ARID5B: variants seen among roughly 807,000 people sequenced by gnomAD.
ARID5B encodes the protein AT-rich interactive domain-containing protein 5B.
Under a neutral mutation model 97.2 loss-of-function variants are expected in ARID5B, and 13 were observed. The ratio of observed to expected loss-of-function variants is 0.13; its 90% CI spans 0.09 to 0.21. The LOEUF is 0.21. Ranked by LOEUF, ARID5B falls within the 10% of genes least tolerant of loss-of-function variation. The probability of loss-of-function intolerance (pLI) is 1.00; values close to 1 mark genes in which losing one functional copy is unlikely to be tolerated. For missense variants in ARID5B, 1,210 were observed against 1,465.3 expected (o/e 0.83, Z 2.84); for synonymous variants, 556 against 570.3 (o/e 0.97, Z 0.36).
At chr10:62,090,133 G>A (rs372671062) in intron 9 of ARID5B, among the ~76,000 whole-genome samples, 6 of 152,156 alleles carry the variant, frequency 3.9e-5, no homozygotes, top group African/African-American at 9.7e-5. Context: ...CTATATTTGC[G>A]GTGGCACTGA....
At chr10:61,971,571 T>A (rs969131595) in intron 3 of ARID5B, among the ~76,000 whole-genome samples, 1 of 152,244 alleles carries the variant, frequency 6.6e-6, no homozygotes, top group Non-Finnish European at 1.5e-5. Flanking sequence ...GATATTGCCA[T>A]GGTGGATACA....
At chr10:61,934,727 C>T (rs115988515) in intron 2 of ARID5B, among the ~76,000 whole-genome samples, 1 of 152,082 alleles carries the variant, frequency 6.6e-6, no homozygotes, top group African/African-American at 2.4e-5. Flanking sequence ...TTAAAGATCA[C>T]TGATCGGCTG....
chr10:62,032,174 T>G (rs1057068222), intron 4 of ARID5B, among the ~76,000 whole-genome samples: 2 of 151,968 alleles, frequency 1.3e-5, no homozygotes, highest in African/African-American at 4.8e-5. Context: ...AAAAAAGTAG[T>G]CAGGTGTGGT....
chr10:61,943,689 A>G lies in ARID5B; in HGVS notation c.502+3281A>G, dbSNP rs150034514. Among the ~76,000 whole-genome samples, 1,304 of 152,282 alleles carry G rather than the reference A, an allele frequency of 8.6e-3. 9 individuals are homozygous for G. The highest frequency in any genetic ancestry group is 0.013 in the Non-Finnish European group (872 of 68,000). ...TTTTCTTGCTTAGTGTTTAGGTAGA[A>G]TAAGTTCGCTTTAATTCCAGTTTGT... is the stretch of plus-strand genomic sequence containing the variant. On this transcript the variant is annotated intron_variant, in intron 3 of 9. Transcript: ENST00000279873.
chr10:61,930,485 G>T (rs1197027178), intron 2 of ARID5B, among the ~76,000 whole-genome samples: 1 of 151,932 alleles, frequency 6.6e-6, no homozygotes, highest in Non-Finnish European at 1.5e-5. Context: ...CTTTGGGAGG[G>T]CGAGGCGGGC....
chr10:61,907,010 A>G (rs1843718735), intron 2 of ARID5B, among the ~76,000 whole-genome samples: 1 of 152,250 alleles, frequency 6.6e-6, no homozygotes, highest in African/African-American at 2.4e-5. Context: ...ATTAGCATTA[A>G]TCTCACTGAG....
At chr10:62,045,408 C>A (rs557598102) in intron 4 of ARID5B, among the ~76,000 whole-genome samples, 10 of 151,866 alleles carry the variant, frequency 6.6e-5, no homozygotes, top group South Asian at 2.1e-4. Context: ...ACTCCTCCCC[C>A]CCGAAAGAGC....
chr10:62,044,897 A>G lies in ARID5B; in HGVS notation c.734-5991A>G, dbSNP rs565047534. ...CAGGCATTTCTGTTGGGTGTGGAAG[A>G]CTGATTTTGGGAAAACAGAATGAAA... On this transcript the variant is annotated intron_variant, in intron 4 of 9. Transcript: ENST00000279873. 4.6e-5 allele frequency among the ~76,000 whole-genome samples: 7 copies of G among 152,336 alleles called. No individual in the cohort carries two copies. In the South Asian group the frequency reaches 1.5e-3, roughly 32 times the overall value.
intron 2 of ARID5B, among the ~76,000 whole-genome samples, chr10:61,903,949 C>A (rs1192781249): frequency 6.7e-6 from 1 of 149,422 alleles, no homozygotes; most frequent in African/African-American, 2.5e-5. Flanking sequence ...TCCCGACGTC[C>A]GCCTGCAATT....
chr10:61,927,926 G>A (rs1460539526), intron 2 of ARID5B, among the ~76,000 whole-genome samples: 1 of 152,168 alleles, frequency 6.6e-6, no homozygotes, highest in Non-Finnish European at 1.5e-5. Context: ...TTTCTGCCCT[G>A]GGAGGCTGAC....
At chr10:62,088,197 C>T (rs1403842332) in intron 9 of ARID5B, among the ~76,000 whole-genome samples, 1 of 152,192 alleles carries the variant, frequency 6.6e-6, no homozygotes, top group African/African-American at 2.4e-5. Context: ...CATCTGCAAG[C>T]TTGCAACATA....
intron 9 of ARID5B, among the ~76,000 whole-genome samples, 196 bp downstream of exon 9, chr10:62,086,096 C>T (rs138518581): frequency 6.6e-6 from 1 of 152,232 alleles, no homozygotes; most frequent in East Asian, 1.9e-4. Flanking sequence ...GAGATGAAAT[C>T]CAATGCCTAG....
chr10:61,937,720 G>A (rs567325726), intron 2 of ARID5B, among the ~76,000 whole-genome samples: 1 of 152,210 alleles, frequency 6.6e-6, no homozygotes, highest in Non-Finnish European at 1.5e-5. Context: ...CTTAGACATA[G>A]AGACTTGCCC....
rs1431090265 is a variant in ARID5B at position 62,057,122 on chromosome 10, A to G, written c.852A>G (p.Lys284=). ...GTATATTTTCCCTTTTCCAGGTGAA[A>G]TGTGAGGCCAGGTCAGCCTTGACCA... The part of the protein sequence containing the change: ...NSDGKAVAKV[K]CEARSALTKP... The change falls in exon 6 of 10, where the codon AAA becomes AAG. Residue 284 remains lysine (K), a synonymous_variant. Transcript: ENST00000279873. The G allele has an allele frequency of 1.9e-6, 3 of 1,613,382 alleles. No homozygotes were observed. Among genetic ancestry groups the G allele is most frequent in the African/African-American group, 1.3e-5 (1 of 74,856 alleles).
intron 2 of ARID5B, among the ~76,000 whole-genome samples, chr10:61,938,572 C>T (rs1285361790): frequency 6.6e-6 from 1 of 152,078 alleles, no homozygotes; most frequent in Non-Finnish European, 1.5e-5. Context: ...TCTTTTATTT[C>T]AAGAGGATGG....
chr10:61,904,093 C>T (rs528222550), intron 2 of ARID5B, among the ~76,000 whole-genome samples: 4 of 148,258 alleles, frequency 2.7e-5, no homozygotes, highest in East Asian at 2.0e-4. Flanking sequence ...CTTCCTCCCC[C>T]TCCCTCTCCC....
At chr10:62,059,548 G>T (rs1480007693) in intron 7 of ARID5B, among the ~76,000 whole-genome samples, 9 of 152,116 alleles carry the variant, frequency 5.9e-5, no homozygotes, top group Admixed American at 2.6e-4. Context: ...AATTAGTTGG[G>T]TCTGTAATTT....
intron 4 of ARID5B, among the ~76,000 whole-genome samples, chr10:62,029,734 C>T (rs1839470516): frequency 1.3e-5 from 2 of 152,174 alleles, no homozygotes; most frequent in Admixed American, 6.5e-5. Flanking sequence ...GAGATCACCT[C>T]GTAACAAATT....
At chr10:61,970,851 C>A (rs1838616436) in intron 3 of ARID5B, among the ~76,000 whole-genome samples, 1 of 152,102 alleles carries the variant, frequency 6.6e-6, no homozygotes, top group Non-Finnish European at 1.5e-5. Context: ...GAAGGTAGAA[C>A]TTATTTTTAT....
Sources: gnomAD v4.1 joint callset for allele counts (sites outside exome capture counted in the v4.1 genomes callset) on GRCh38, gnomAD v4.1.1 for gene constraint, MANE v1.5 for transcripts, NCBI Gene and HGNC (gene_info 2026-07-23, HGNC 2026-07-21) for gene names.